ATP4B: variants seen among roughly 807,000 people sequenced by gnomAD.
The protein encoded by ATP4B is ATPase H+/K+ transporting subunit beta, also known as potassium-transporting ATPase subunit beta.
ATP4B carries 27 observed loss-of-function variants against 35.3 expected under a neutral mutation model. That is an observed-to-expected ratio of 0.76 (90% CI 0.56 to 1.05). The LOEUF is 1.05. Ranked by LOEUF, ATP4B falls within the 50% of genes least tolerant of loss-of-function variation. ATP4B has a pLI of 0.00. For missense variants in ATP4B, 375 were observed against 384.8 expected, an observed-to-expected ratio of 0.97 and a Z score of 0.21; for synonymous variants, 162 against 156.0, an observed-to-expected ratio of 1.04 and a Z score of -0.29.
rs1302068478 is a variant in ATP4B, at chr13:113,650,359, A to T, written c.714+47T>A. The T allele has an allele frequency of 1.3e-6, 2 of 1,546,428 alleles. No individual in the cohort carries two copies. The highest frequency in any genetic ancestry group is 2.7e-5 in the African/African-American group (2 of 73,410). On this transcript the variant is annotated intron_variant, in intron 6 of 6. Transcript: ENST00000335288. This position sits in a 1 kb window ranked among gnomAD's most constrained non-coding sequence, Gnocchi z 5.0. ...TTGCTTTCCTTTCGCTAAGTGTGAG[A>T]GGACTCAGCAGCTGTGGTGAGGGAA...
At position 113,653,022 on chromosome 13, in the gene ATP4B, A is replaced by G; in HGVS notation, c.406T>C (p.Tyr136His). The G allele has an allele frequency of 6.2e-7, 1 of 1,614,028 alleles. No individual in the cohort carries two copies. The highest frequency in any genetic ancestry group is 8.5e-7 in the Non-Finnish European group (1 of 1,179,934). The change falls in exon 4 of 7, where the codon TAC (tyrosine) becomes CAC (histidine). Residue 136 changes from tyrosine to histidine, a missense_variant. By Grantham distance (83) the Tyr-to-His change is moderately conservative. Coordinates refer to ENST00000335288, the MANE Select transcript of ATP4B (RefSeq NM_000705.4). ...EDSINCTSEQYFFQESFRAPN... is the reference protein window; with the variant it reads ...EDSINCTSEQHFFQESFRAPN... ...GCGCGGAAACTCTCCTGGAAGAAGT[A>G]CTGCTCGGAGGTGCAGTTGATGCTG...
chr13:113,651,047 C>T (rs1003377178), intron 5 of ATP4B, among the ~76,000 whole-genome samples: 6 of 148,946 alleles, frequency 4.0e-5, no homozygotes, highest in African/African-American at 1.0e-4. Flanking sequence ...CAAATCCCCG[C>T]GGCCCCCACC....
chr13:113,655,236 G>A (rs529402622), intron 1 of ATP4B, among the ~76,000 whole-genome samples: 1 of 152,342 alleles, frequency 6.6e-6, no homozygotes, highest in South Asian at 2.1e-4. Flanking sequence ...GCCGCTGTTT[G>A]AGATGTGGCC....
intron 1 of ATP4B, 81 bp downstream of exon 1, chr13:113,657,952 C>T (rs2049768346): frequency 8.3e-7 from 1 of 1,209,546 alleles, no homozygotes; most frequent in Non-Finnish European, 1.2e-6. Flanking sequence ...CCTCTGCTCC[C>T]CTCCTCCTGA....
At chr13:113,655,499 G>A (rs931869494) in intron 1 of ATP4B, among the ~76,000 whole-genome samples, 1 of 152,206 alleles carries the variant, frequency 6.6e-6, no homozygotes, top group African/African-American at 2.4e-5. Context: ...GCAACTCAGG[G>A]TGCAGCTTCA....
In ATP4B at chr13:113,652,846, C is replaced by T. The variant is rs373566809; in HGVS notation, c.555+27G>A. On this transcript the variant is annotated intron_variant, in intron 4 of 6. Transcript: ENST00000335288. ...GGCCCTGACTGCACTGTTGTAGTGG[C>T]GTGTGAAGGAGACCCTCAGTACTCA... 2,186 of 1,609,794 alleles carry T rather than the reference C, an allele frequency of 1.4e-3. 6 individuals carry two copies. Among genetic ancestry groups the T allele is most frequent in the Non-Finnish European group, 1.2e-3 (1,425 of 1,176,838 alleles).
chr13:113,657,384 A>G (rs2049763512), intron 1 of ATP4B, among the ~76,000 whole-genome samples: 1 of 152,206 alleles, frequency 6.6e-6, no homozygotes, highest in African/African-American at 2.4e-5. Context: ...GTTTCCCGGA[A>G]CGGGTGTGGC....
chr13:113,658,001 A>C (rs777125098), intron 1 of ATP4B, 32 bp downstream of exon 1: 1 of 1,547,030 alleles, frequency 6.5e-7, no homozygotes, highest in Non-Finnish European at 8.7e-7. Context: ...GGCCCCCTCC[A>C]TGCACCCAGC....
At chr13:113,656,287 G>A (rs1452767471) in intron 1 of ATP4B, among the ~76,000 whole-genome samples, 2 of 152,268 alleles carry the variant, frequency 1.3e-5, no homozygotes, top group Non-Finnish European at 2.9e-5. Context: ...CGCTCGTGAC[G>A]GCAGGGGTCT....
Position 113,649,309 on chromosome 13 carries a change from G to A in ATP4B, c.*65C>T. On this transcript the variant is annotated 3_prime_UTR_variant, in exon 7 of 7. Transcript: ENST00000335288. The surrounding 1 kb of genome is among the most constrained non-coding windows in gnomAD (Gnocchi z 4.7). ...GGCAGGGAACTGACGGGCAAGGTAA[G>A]CCCAACCAGGAGGGTGTCCTTGAGC... 1 of 1,529,132 alleles carries A rather than the reference G, an allele frequency of 6.5e-7. No individual in the cohort carries two copies. Among genetic ancestry groups the A allele is most frequent in the Non-Finnish European group, 8.8e-7 (1 of 1,133,434 alleles). The allele number at this position is 1,529,132 out of a possible 1,614,324, so 94.7% of individuals were successfully genotyped here. A position where few individuals can be genotyped will look rare whatever the true frequency, so the allele number is the denominator to read the frequency against.
chr13:113,657,574 C>G (rs1343754342), intron 1 of ATP4B, among the ~76,000 whole-genome samples: 1 of 152,234 alleles, frequency 6.6e-6, no homozygotes, highest in South Asian at 2.1e-4. Context: ...CTGGTTTACT[C>G]CCCACCTCCG....
In ATP4B at chr13:113,649,583, T is replaced by C. The variant is rs1410146958; in HGVS notation, c.715-48A>G. 1 of 1,446,212 alleles carries C rather than the reference T, an allele frequency of 6.9e-7. No individual in the cohort carries two copies. Among genetic ancestry groups the C allele is most frequent in the Non-Finnish European group, 9.1e-7 (1 of 1,095,562 alleles). 89.6% of individuals were successfully genotyped at this position (1,446,212 alleles called of 1,614,324 possible). A position where few individuals can be genotyped will look rare whatever the true frequency, so the allele number is the denominator to read the frequency against. ...ACAGGTGTTTCAAAAATCTCTGAAG[T>C]TAAGGAGAGAAAACTAAGCAAGGAA... On this transcript the variant is annotated intron_variant, in intron 6 of 6. Transcript: ENST00000335288. This position sits in a 1 kb window ranked among gnomAD's most constrained non-coding sequence, Gnocchi z 4.7.
chr13:113,652,226 C>T (rs1479484100), intron 4 of ATP4B, among the ~76,000 whole-genome samples: 4 of 152,232 alleles, frequency 2.6e-5, no homozygotes, highest in Non-Finnish European at 5.9e-5. Context: ...GGCACAGTGG[C>T]CACCACGCCC....
chr13:113,653,185 C>T (rs544296397), intron 3 of ATP4B, 113 bp from the exon 4 acceptor site: 176 of 1,427,722 alleles, frequency 1.2e-4, no homozygotes, highest in African/African-American at 3.8e-4. Context: ...TAGAAAAGGC[C>T]GAAGCTGTGG....
At position 113,650,727 on chromosome 13, in the gene ATP4B, C is replaced by T. The variant is rs925498508; in HGVS notation, c.613-220G>A. Among the ~76,000 whole-genome samples, 17 of 152,188 alleles carry T rather than the reference C, an allele frequency of 1.1e-4. No homozygotes were observed. Among genetic ancestry groups the T allele is most frequent in the Admixed American group, 1.1e-3 (17 of 15,280 alleles). On this transcript the variant is annotated intron_variant, in intron 5 of 6. Coordinates refer to ENST00000335288, the MANE Select transcript of ATP4B (RefSeq NM_000705.4). The surrounding 1 kb of genome is among the most constrained non-coding windows in gnomAD (Gnocchi z 5.0). The stretch of plus-strand genomic sequence containing the variant: ...CATGCAAAATGCCCAGTGACCCCTC[C>T]GTGTGCCTCTAACAACTTGAAATGT...
At chr13:113,656,682 CTTTTGT>C (rs1252610435) in intron 1 of ATP4B, among the ~76,000 whole-genome samples, 1 of 152,176 alleles carries the variant, frequency 6.6e-6, no homozygotes, top group East Asian at 1.9e-4. Flanking sequence ...TGTCCTATTC[CTTTTGT>C]TTTTGTCATT....
chr13:113,655,396 G>C (rs1012438230), intron 1 of ATP4B, among the ~76,000 whole-genome samples: 3 of 152,206 alleles, frequency 2.0e-5, no homozygotes, highest in African/African-American at 4.8e-5. Context: ...TGCATGGCCG[G>C]TCCTGCTTCC....
chr13:113,657,921 C>G (rs769165113), intron 1 of ATP4B, 112 bp downstream of exon 1: 1 of 863,740 alleles, frequency 1.2e-6, no homozygotes. Context: ...CAGGCAGCAT[C>G]GGGGTCTCAC....
At position 113,653,345 on chromosome 13, in the gene ATP4B, G is replaced by C; in HGVS notation, c.331C>G (p.Gln111Glu). 2 of 1,613,998 alleles carry C rather than the reference G, an allele frequency of 1.2e-6. No individual in the cohort carries two copies. Among genetic ancestry groups the C allele is most frequent in the Non-Finnish European group, 1.7e-6 (2 of 1,179,984 alleles). ...SDNRTWADLT[Q>E]TLHAFLAGYS... ...CCTGCTAGGAAGGCGTGGAGAGTCT[G>C]TGTGAGGTCTGCCCAGGTTCTGTTA... The change falls in exon 3 of 7, where the codon CAG becomes GAG. Residue 111 changes from glutamine to glutamate, a missense_variant. By Grantham distance (29) the Gln-to-Glu change is conservative (BLOSUM62 2). Transcript: ENST00000335288.
Sources: allele counts gnomAD v4.1 joint callset (sites outside exome capture counted in the v4.1 genomes callset), GRCh38; gene constraint gnomAD v4.1.1; non-coding constraint Gnocchi (gnomAD v3.1); transcripts MANE v1.5; gene names NCBI Gene and HGNC (gene_info 2026-07-23, HGNC 2026-07-21).